Variants in IFNAR1 observed in about 807,000 individuals in gnomAD.
IFNAR1 encodes interferon alpha/beta receptor 1.
A neutral mutation model predicts 62.1 loss-of-function variants in IFNAR1; 47 were observed. That is an observed-to-expected ratio of 0.76 (90% CI 0.60 to 0.97). The LOEUF is 0.97. Ranked by LOEUF, IFNAR1 falls within the 50% of genes least tolerant of loss-of-function variation. The pLI, the probability that IFNAR1 is intolerant of heterozygous loss-of-function variation, is 0.00. For missense variants in IFNAR1, 638 were observed against 654.5 expected (o/e 0.97, Z 0.27); for synonymous variants, 219 against 226.9 (o/e 0.97, Z 0.31).
chr21:33,355,597 C>G lies in IFNAR1; in HGVS notation c.*48C>G. ...ATAAGGTTTTTCAGCAGGAGTTACACTGGGAGCCTGAGGTCCTCACCTTCC... is the reference window on the plus strand; with the variant it reads ...ATAAGGTTTTTCAGCAGGAGTTACAGTGGGAGCCTGAGGTCCTCACCTTCC... On this transcript the variant is annotated 3_prime_UTR_variant, in exon 11 of 11. Coordinates refer to ENST00000270139, the MANE Select transcript of IFNAR1 (RefSeq NM_000629.3). 1.9e-6 allele frequency: 2 copies of G among 1,038,582 alleles called. No individual in the cohort carries two copies. The highest frequency in any genetic ancestry group is 2.8e-6 in the Non-Finnish European group (2 of 710,444). 64.3% of individuals were successfully genotyped at this position (1,038,582 alleles called of 1,614,324 possible).
chr21:33,346,936 C>T (rs562336363), intron 6 of IFNAR1, among the ~76,000 whole-genome samples: 5 of 152,110 alleles, frequency 3.3e-5, no homozygotes, highest in Admixed American at 6.6e-5. Context: ...TGTTTATTGT[C>T]TCAAAGTTTC....
chr21:33,333,969 T>A (rs188830345), intron 1 of IFNAR1, among the ~76,000 whole-genome samples: 1 of 152,064 alleles, frequency 6.6e-6, no homozygotes, highest in Admixed American at 6.6e-5. Context: ...TAAACTGAAA[T>A]TGAAGGGATG....
At chr21:33,348,345 T>G (rs992207032) in intron 6 of IFNAR1, among the ~76,000 whole-genome samples, 1 of 152,156 alleles carries the variant, frequency 6.6e-6, no homozygotes, top group Non-Finnish European at 1.5e-5. Flanking sequence ...TGTCCCTGAA[T>G]ATGGAGTTGG....
Position 33,353,631 on chromosome 21 carries a change from T to A in IFNAR1, c.1295-7T>A, listed in dbSNP as rs2123272427. On this transcript the variant is annotated splice_region_variant and splice_polypyrimidine_tract_variant and intron_variant, in intron 9 of 10. Transcript: ENST00000270139. ...ATATATGCTAAATATCACGTATATC[T>A]TTTTAGGAAATACCTCTAAAATTTG... 2 of 1,509,112 alleles carry A rather than the reference T, an allele frequency of 1.3e-6. No homozygotes were observed. The highest frequency in any genetic ancestry group is 1.8e-6 in the Non-Finnish European group (2 of 1,108,428). 93.5% of individuals were successfully genotyped at this position (1,509,112 alleles called of 1,614,324 possible). A position where few individuals can be genotyped will look rare whatever the true frequency, so the allele number is the denominator to read the frequency against.
rs922252116 is a variant in IFNAR1, at chr21:33,338,428, G to A, written c.201-2571G>A. ...TGCGTGCTGTAATCCCACCTACTTG[G>A]GAGGCTGAGGCAGGAGAATCGCTTG... On this transcript the variant is annotated intron_variant, in intron 2 of 10. Coordinates refer to ENST00000270139, the MANE Select transcript of IFNAR1 (RefSeq NM_000629.3). Among the ~76,000 whole-genome samples the A allele has an allele frequency of 4.1e-4, 62 of 151,464 alleles. 1 individual carries two copies. Among genetic ancestry groups the A allele is most frequent in the Non-Finnish European group, 7.5e-4 (51 of 67,926 alleles).
chr21:33,335,448 A>C (rs908648873), intron 1 of IFNAR1, 76 bp from the exon 2 acceptor site: 3 of 769,552 alleles, frequency 3.9e-6, no homozygotes, highest in Non-Finnish European at 2.0e-6. Flanking sequence ...TTAATCAGGG[A>C]TGTGAGGGAT....
Position 33,357,983 on chromosome 21 carries a change from A to G in IFNAR1, c.*2434A>G, listed in dbSNP as rs1337117841. ...CTGGCCCTGTGTTCACCACTGGGAAAACGTACTTCAGACTGGATAGCCTAA... is the reference window on the plus strand; with the variant it reads ...CTGGCCCTGTGTTCACCACTGGGAAGACGTACTTCAGACTGGATAGCCTAA... On this transcript the variant is annotated 3_prime_UTR_variant, in exon 11 of 11. Transcript: ENST00000270139. 2 of 152,218 alleles carry G rather than the reference A, an allele frequency of 1.3e-5. No individual in the cohort carries two copies. Among genetic ancestry groups the G allele is most frequent in the Non-Finnish European group, 2.9e-5 (2 of 68,054 alleles). 9.4% of individuals were successfully genotyped at this position (152,218 alleles called of 1,614,324 possible).
At position 33,358,423 on chromosome 21, in the gene IFNAR1, G is replaced by A. The variant is rs1568935809; in HGVS notation, c.*2874G>A. 1 of 151,980 alleles carries A rather than the reference G, an allele frequency of 6.6e-6. No homozygotes were observed. Among genetic ancestry groups the A allele is most frequent in the African/African-American group, 2.4e-5 (1 of 41,370 alleles). The allele number at this position is 151,980 out of a possible 1,614,324, so 9.4% of individuals were successfully genotyped here. A position where few individuals can be genotyped will look rare whatever the true frequency, so the allele number is the denominator to read the frequency against. ...ATATAATCTAAGAATTTATATGAAA[G>A]ATTTGTATCATTAGAGCCAGAAATA... On this transcript the variant is annotated 3_prime_UTR_variant, in exon 11 of 11. Coordinates refer to ENST00000270139, the MANE Select transcript of IFNAR1 (RefSeq NM_000629.3).
Position 33,355,699 on chromosome 21 carries a change from C to T in IFNAR1, c.*150C>T, listed in dbSNP as rs960884156. 16 of 482,274 alleles carry T rather than the reference C, an allele frequency of 3.3e-5. No individual in the cohort carries two copies. The East Asian group carries it at 4.2e-4, about 13-fold the overall frequency. 29.9% of individuals were successfully genotyped at this position (482,274 alleles called of 1,614,324 possible). A position where few individuals can be genotyped will look rare whatever the true frequency, so the allele number is the denominator to read the frequency against. ...CTTCAGATCATAGGTCCTAAAAATA[C>T]GGGCAAGCTCTTAACTATTTAAAAA... On this transcript the variant is annotated 3_prime_UTR_variant, in exon 11 of 11. Coordinates refer to ENST00000270139, the MANE Select transcript of IFNAR1 (RefSeq NM_000629.3).
intron 6 of IFNAR1, among the ~76,000 whole-genome samples, chr21:33,348,007 G>A (rs2834195): frequency 0.018 from 2,729 of 152,262 alleles, 92 homozygotes; most frequent in African/African-American, 0.063. Context: ...TGCATGCGGC[G>A]ACATGGTATG....
chr21:33,329,134 A>AT (rs1263906016), intron 1 of IFNAR1, among the ~76,000 whole-genome samples: 1 of 151,910 alleles, frequency 6.6e-6, no homozygotes, highest in Non-Finnish European at 1.5e-5. Context: ...GCAGTAAAGG[A>AT]TTTTTTTTCT....
At chr21:33,345,432 C>T (rs1601861340) in intron 6 of IFNAR1, 72 bp downstream of exon 6, 1 of 822,950 alleles carries the variant, frequency 1.2e-6, no homozygotes, top group Non-Finnish European at 2.1e-6. Context: ...CTGCATCAGT[C>T]ACCAGGTCCT....
chr21:33,342,482 C>A (rs2083299956), intron 3 of IFNAR1, among the ~76,000 whole-genome samples: 1 of 151,944 alleles, frequency 6.6e-6, no homozygotes, highest in Non-Finnish European at 1.5e-5. Flanking sequence ...ATCTGTACTC[C>A]CTTTCTATAC....
At chr21:33,332,507 A>T (rs1390415968) in intron 1 of IFNAR1, among the ~76,000 whole-genome samples, 1 of 152,260 alleles carries the variant, frequency 6.6e-6, no homozygotes, top group Non-Finnish European at 1.5e-5. Flanking sequence ...GGAAAGTAAG[A>T]ACTCTCTAAT....
chr21:33,350,716 T>C (rs958129064), intron 8 of IFNAR1, among the ~76,000 whole-genome samples: 9 of 152,330 alleles, frequency 5.9e-5, no homozygotes, highest in Middle Eastern at 3.4e-3. Context: ...CTATTGGAAA[T>C]CTAAGCAAAT....
intron 1 of IFNAR1, among the ~76,000 whole-genome samples, chr21:33,331,951 G>C (rs2083185413): frequency 6.6e-6 from 1 of 152,144 alleles, no homozygotes; most frequent in Non-Finnish European, 1.5e-5. Flanking sequence ...TCCTGGCTCT[G>C]TGAGCAACTA....
chr21:33,333,311 A>G (rs1320724789), intron 1 of IFNAR1, among the ~76,000 whole-genome samples: 17 of 152,376 alleles, frequency 1.1e-4, no homozygotes. Flanking sequence ...TCACTGCTAG[A>G]CCAGCCTTAT....
At chr21:33,352,631 CAAAAA>C in intron 8 of IFNAR1, 122 bp from the exon 9 acceptor site, 1 of 524,766 alleles carries the variant, frequency 1.9e-6, no homozygotes, top group Non-Finnish European at 3.4e-6. Flanking sequence ...CAAAACAAAA[CAAAAA>C]ATACATACCA....
At chr21:33,346,616 G>T (rs1217906095) in intron 6 of IFNAR1, among the ~76,000 whole-genome samples, 2 of 152,202 alleles carry the variant, frequency 1.3e-5, no homozygotes, top group African/African-American at 4.8e-5. Context: ...TTACCATATT[G>T]TACAAAGCAC....
Sources: allele counts gnomAD v4.1 joint callset (sites outside exome capture counted in the v4.1 genomes callset), GRCh38; gene constraint gnomAD v4.1.1; transcripts MANE v1.5; gene names NCBI Gene and HGNC (gene_info 2026-07-23, HGNC 2026-07-21).